Variants in RBFOX1 observed in about 807,000 individuals in gnomAD.
RBFOX1 encodes RNA binding fox-1 homolog 1.
A neutral mutation model predicts 57.7 loss-of-function variants in RBFOX1; 8 were observed. The ratio of observed to expected loss-of-function variants is 0.14; its 90% confidence interval spans 0.08 to 0.25. RBFOX1 has a LOEUF of 0.25. RBFOX1 is among the 10% of genes least tolerant of loss of function. The pLI, the probability that RBFOX1 is intolerant of heterozygous loss-of-function variation, is 1.00. For missense variants in RBFOX1, 611 were observed against 548.5 expected (o/e 1.11, Z -1.14); for synonymous variants, 326 against 222.4 (o/e 1.47, Z -4.15).
chr16:7,490,040 T>C (rs1470263069), intron 4 of RBFOX1, among the ~76,000 whole-genome samples: 1 of 152,176 alleles, frequency 6.6e-6, no homozygotes, highest in East Asian at 1.9e-4. Flanking sequence ...TCTCCCCATG[T>C]TTCTCTGTGA....
intron 4 of RBFOX1, among the ~76,000 whole-genome samples, chr16:7,398,888 A>G (rs902397150): frequency 3.3e-5 from 5 of 152,212 alleles, no homozygotes; most frequent in African/African-American, 4.8e-5. Flanking sequence ...CTATTCATTC[A>G]TACGGCTACT....
intron 4 of RBFOX1, among the ~76,000 whole-genome samples, chr16:7,091,678 T>G (rs2060882086): frequency 1.3e-5 from 2 of 152,206 alleles, no homozygotes; most frequent in African/African-American, 4.8e-5. Flanking sequence ...GTGAAGTAGC[T>G]GCCTGTGGCT....
chr16:5,874,279 C>T (rs1405798506), intron 4 of RBFOX1, among the ~76,000 whole-genome samples: 1 of 152,164 alleles, frequency 6.6e-6, no homozygotes, highest in Non-Finnish European at 1.5e-5. Context: ...ATCAATGGTC[C>T]TCTGGCTTGA....
intron 4 of RBFOX1, among the ~76,000 whole-genome samples, chr16:7,289,607 T>A (rs1391918957): frequency 6.6e-6 from 1 of 152,124 alleles, no homozygotes; most frequent in African/African-American, 2.4e-5. Context: ...ACTTTCATCA[T>A]AGTCATCACC....
chr16:6,304,819 G>A (rs1220327104), intron 1 of RBFOX1, among the ~76,000 whole-genome samples: 4 of 132,510 alleles, frequency 3.0e-5, no homozygotes, highest in Admixed American at 8.7e-5. Context: ...ATTGCAGTGA[G>A]CCCACATCAT....
intron 4 of RBFOX1, among the ~76,000 whole-genome samples, chr16:7,069,374 G>A (rs758702250): frequency 5.9e-5 from 9 of 152,118 alleles, no homozygotes; most frequent in South Asian, 2.1e-4. Flanking sequence ...AAAGAGGCCC[G>A]GTGTGTGTGG....
rs540896603 is a variant in RBFOX1, at chr16:5,295,879, G to A, written c.219+55774G>A. On this transcript the variant is annotated intron_variant, in intron 1 of 2. Transcript: ENST00000585867. ...CATAGTTTTCTCTACATAGAATGGG[G>A]ATAATTATGCTTCTTACCTCTAGGA... 2.0e-5 allele frequency among the ~76,000 whole-genome samples: 3 copies of A among 152,306 alleles called. No homozygotes were observed. The South Asian group carries it at 6.2e-4, about 32-fold the overall frequency.
chr16:6,482,540 C>G (rs1282722087), intron 2 of RBFOX1, among the ~76,000 whole-genome samples: 1 of 152,168 alleles, frequency 6.6e-6, no homozygotes, highest in Non-Finnish European at 1.5e-5. Flanking sequence ...TATTATTATT[C>G]AAGGTACACA....
intron 4 of RBFOX1, among the ~76,000 whole-genome samples, chr16:7,492,390 G>A (rs1053248309): frequency 2.0e-5 from 3 of 152,116 alleles, no homozygotes; most frequent in Non-Finnish European, 4.4e-5. Flanking sequence ...TATGTGACAA[G>A]GGATCAGATA....
At chr16:7,701,210 C>T (rs916744899) in intron 14 of RBFOX1, among the ~76,000 whole-genome samples, 2 of 152,174 alleles carry the variant, frequency 1.3e-5, no homozygotes, top group Admixed American at 1.3e-4. Context: ...AGCATTTCTT[C>T]CACTTCTAGT....
chr16:5,697,535 C>CT (rs35569754), intron 3 of RBFOX1, among the ~76,000 whole-genome samples: 30,926 of 138,422 alleles, frequency 0.22, 4,596 homozygotes, highest in East Asian at 0.65. Context: ...CTTTTCTATT[C>CT]TTTTTTTTTT....
intron 4 of RBFOX1, among the ~76,000 whole-genome samples, chr16:5,993,961 G>A (rs1443580178): frequency 6.6e-6 from 1 of 152,200 alleles, no homozygotes; most frequent in African/African-American, 2.4e-5. Context: ...GCACTTTGCT[G>A]CTGGGGATGT....
intron 3 of RBFOX1, among the ~76,000 whole-genome samples, chr16:6,996,804 C>G (rs933329322): frequency 6.6e-6 from 1 of 152,054 alleles, no homozygotes; most frequent in Non-Finnish European, 1.5e-5. Flanking sequence ...ATTTTTATGG[C>G]CAGTCTATGA....
intron 3 of RBFOX1, among the ~76,000 whole-genome samples, chr16:6,985,937 C>A (rs1282067566): frequency 6.7e-6 from 1 of 148,794 alleles, no homozygotes; most frequent in Non-Finnish European, 1.5e-5. Context: ...AATTGTAAAT[C>A]TCCATGGAGT....
chr16:7,642,509 T>G (rs140741634), intron 11 of RBFOX1, among the ~76,000 whole-genome samples: 2 of 152,114 alleles, frequency 1.3e-5, no homozygotes, highest in African/African-American at 4.8e-5. Flanking sequence ...AAGAGAACCT[T>G]GGGAAATCCA....
intron 3 of RBFOX1, among the ~76,000 whole-genome samples, chr16:6,903,107 G>C (rs1186143125): frequency 6.6e-6 from 1 of 152,154 alleles, no homozygotes; most frequent in African/African-American, 2.4e-5. Flanking sequence ...AAACTTCTTG[G>C]AGGACGCGAT....
At chr16:6,930,244 G>A (rs1213325115) in intron 3 of RBFOX1, among the ~76,000 whole-genome samples, 1 of 152,134 alleles carries the variant, frequency 6.6e-6, no homozygotes, top group Non-Finnish European at 1.5e-5. Flanking sequence ...AAGCAAACAA[G>A]CTGACTCAAA....
chr16:6,215,673 G>C (rs897071030), intron 1 of RBFOX1, among the ~76,000 whole-genome samples: 1 of 151,896 alleles, frequency 6.6e-6, no homozygotes, highest in African/African-American at 2.4e-5. Context: ...AGCACATTTT[G>C]TCTCTCCCTC....
chr16:6,514,949 G>A (rs904983250), intron 2 of RBFOX1, among the ~76,000 whole-genome samples: 8 of 151,956 alleles, frequency 5.3e-5, no homozygotes, highest in Non-Finnish European at 8.8e-5. Context: ...AGGAAGAGAA[G>A]GAGTTGGAGA....
Sources: allele counts gnomAD v4.1 joint callset (sites outside exome capture counted in the v4.1 genomes callset), GRCh38; gene constraint gnomAD v4.1.1; transcripts MANE v1.5; gene names NCBI Gene and HGNC (gene_info 2026-07-23, HGNC 2026-07-21).